The following AMZ1 variants were observed in gnomAD, a reference collection of about 807,000 sequenced individuals.
AMZ1 encodes archaemetzincin-1.
A neutral mutation model predicts 29.9 loss-of-function variants in AMZ1; 39 were observed. The observed-to-expected ratio is 1.30, with a 90% CI of 1.01 to 1.70. AMZ1 has a LOEUF of 1.70. AMZ1 is among the 40% of genes most tolerant of loss of function. The pLI is 0.00. For synonymous variants in AMZ1, 458 were observed against 304.0 expected (o/e 1.51, Z -5.27); for missense variants, 1,041 against 680.6 (o/e 1.53, Z -5.89).
At chr7:2,746,840 A>G (rs1790788205) in intron 4 of AMZ1, among the ~76,000 whole-genome samples, 1 of 149,400 alleles carries the variant, frequency 6.7e-6, no homozygotes. Context: ...AGGGGATATC[A>G]TCACCAATCC....
rs772189961 is a variant in AMZ1, at chr7:2,709,118, G to A, written c.645G>A (p.Pro215=). ...CSFARFSGEF[P]KSGPSAPDLA... ...TCGCCCGGTTCTCAGGGGAATTCCC[G>A]AAGTCGGGGCCCAGCGCCCCTGATC... Residue 215 remains proline, a synonymous_variant, in exon 5 of 7, where the codon CCG becomes CCA. Transcript: ENST00000683327. 8 of 1,600,922 alleles carry A rather than the reference G, an allele frequency of 5.0e-6. No homozygotes were observed. Among genetic ancestry groups the A allele is most frequent in the African/African-American group, 1.3e-5 (1 of 74,334 alleles).
rs1788887277 is a variant in AMZ1, at chr7:2,712,840, G to C, written c.1459G>C (p.Glu487Gln). Residue 487 changes from glutamate to glutamine, a missense_variant, in exon 7 of 7, where the codon GAG (glutamate) becomes CAG (glutamine). Coordinates refer to ENST00000683327, the MANE Select transcript of AMZ1 (RefSeq NM_001384743.1). ...KLSARKLARAESAPRPWDGEE... is the reference protein window; with the variant it reads ...KLSARKLARAQSAPRPWDGEE... ...GAGTGCCCGAAAACTCGCCAGAGCA[G>C]AGTCGGCCCCCCGTCCCTGGGATGG... The C allele has an allele frequency of 2.0e-6, 3 of 1,529,324 alleles. No individual in the cohort carries two copies. Among genetic ancestry groups the C allele is most frequent in the Non-Finnish European group, 1.8e-6 (2 of 1,137,982 alleles). The allele number at this position is 1,529,324 out of a possible 1,614,324, so 94.7% of individuals were successfully genotyped here.
At chr7:2,692,341 C>A (rs977384515) in intron 1 of AMZ1, among the ~76,000 whole-genome samples, 1 of 152,046 alleles carries the variant, frequency 6.6e-6, no homozygotes, top group Admixed American at 6.5e-5. Flanking sequence ...GAGATCGAGA[C>A]CATCCTGGCT....
At chr7:2,698,740 G>C (rs1213262402) in intron 1 of AMZ1, among the ~76,000 whole-genome samples, 1 of 152,168 alleles carries the variant, frequency 6.6e-6, no homozygotes, top group East Asian at 1.9e-4. Context: ...GGAGGCTGAA[G>C]CAGGAGGATC....
chr7:2,739,176 A>G (rs1036577197), intron 4 of AMZ1, among the ~76,000 whole-genome samples: 4 of 152,230 alleles, frequency 2.6e-5, no homozygotes, highest in Non-Finnish European at 5.9e-5. Flanking sequence ...TCATTAGGTA[A>G]GATCTACATA....
chr7:2,746,746 G>C (rs1449546974), intron 4 of AMZ1, among the ~76,000 whole-genome samples: 1 of 152,074 alleles, frequency 6.6e-6, no homozygotes, highest in African/African-American at 2.4e-5. Flanking sequence ...TTTTTGAAAA[G>C]ATCAACAAAA....
In AMZ1 at chr7:2,731,822, G is replaced by C; in HGVS notation, n.550+22006G>C. The C allele has an allele frequency of 1.3e-6, 1 of 785,264 alleles. No individual in the cohort carries two copies. 48.6% of individuals were successfully genotyped at this position (785,264 alleles called of 1,614,324 possible). On this transcript the variant is annotated intron_variant and non_coding_transcript_variant, in intron 4 of 4. Transcript: ENST00000489665. The surrounding 1 kb of genome is among the most constrained non-coding windows in gnomAD (Gnocchi z 6.0). ...ACAGAGAAAATAGAAACAAAAAGATGGCAAAAAGATAAGAAGGAAAGAGAC... is the reference window on the plus strand; with the variant it reads ...ACAGAGAAAATAGAAACAAAAAGATCGCAAAAAGATAAGAAGGAAAGAGAC...
At chr7:2,722,034 G>A (rs562951964), downstream of AMZ1, among the ~76,000 whole-genome samples, 259 of 152,246 alleles carry the variant, frequency 1.7e-3, 1 homozygote, top group Non-Finnish European at 3.0e-3. Context: ...CAGAGCACTC[G>A]GTTCCTTTCT....
intron 4 of AMZ1, among the ~76,000 whole-genome samples, chr7:2,734,660 T>C (rs1790068299): frequency 6.6e-6 from 1 of 152,232 alleles, no homozygotes; most frequent in Non-Finnish European, 1.5e-5. Flanking sequence ...AGGAAGCTCC[T>C]TCAGGGAGGA....
rs558749928 is a variant in AMZ1 at position 2,700,773 on chromosome 7, C to A, written c.304+18C>A. The A allele has an allele frequency of 1.7e-5, 28 of 1,606,586 alleles. No homozygotes were observed. The East Asian group carries it at 3.6e-4, about 21-fold the overall frequency. ...GCCGATAGGTACGGGACGCCTGCAG[C>A]CATCGGCACGCTCCTGGGGGACCAG... is the stretch of plus-strand genomic sequence containing the variant. On this transcript the variant is annotated intron_variant, in intron 2 of 6. Coordinates refer to ENST00000683327, the MANE Select transcript of AMZ1 (RefSeq NM_001384743.1).
chr7:2,706,389 C>T (rs1788356004), intron 3 of AMZ1, among the ~76,000 whole-genome samples: 1 of 152,214 alleles, frequency 6.6e-6, no homozygotes, highest in African/African-American at 2.4e-5. Flanking sequence ...GAGTAGCATG[C>T]TTTGGATCAC....
intron 4 of AMZ1, among the ~76,000 whole-genome samples, chr7:2,736,433 AGG>A (rs758108480): frequency 8.2e-6 from 1 of 121,614 alleles, no homozygotes; most frequent in African/African-American, 2.7e-5. Context: ...CACACCTGAC[AGG>A]GGCCTGTCCC....
At chr7:2,705,824 G>A (rs1216798688) in intron 3 of AMZ1, among the ~76,000 whole-genome samples, 1 of 152,184 alleles carries the variant, frequency 6.6e-6, no homozygotes, top group African/African-American at 2.4e-5. Context: ...GGCCTGCCTT[G>A]GCCCTGGCCC....
chr7:2,703,039 A>C, intron 3 of AMZ1, 150 bp downstream of exon 3: 1 of 1,139,928 alleles, frequency 8.8e-7, no homozygotes, highest in Non-Finnish European at 1.2e-6. Flanking sequence ...AGCAGGACCA[A>C]GCCGGAGAGC....
At chr7:2,753,282 T>G (rs913314271) in intron 4 of AMZ1, among the ~76,000 whole-genome samples, 2 of 152,094 alleles carry the variant, frequency 1.3e-5, no homozygotes, top group African/African-American at 4.8e-5. Flanking sequence ...GCCTCCCAAG[T>G]AGCTGGGACT....
At chr7:2,696,051 T>C (rs1787703515) in intron 1 of AMZ1, among the ~76,000 whole-genome samples, 1 of 150,802 alleles carries the variant, frequency 6.6e-6, no homozygotes, top group African/African-American at 2.4e-5. Flanking sequence ...TAACTATTAT[T>C]AGAAAACAAA....
chr7:2,762,863 G>T (rs1235592800), upstream of AMZ1: 3 of 1,459,152 alleles, frequency 2.1e-6, no homozygotes, highest in Non-Finnish European at 2.7e-6. Flanking sequence ...GAGAGGGCCA[G>T]CTCCGAGCCC....
chr7:2,696,414 G>C (rs566371983), intron 1 of AMZ1, among the ~76,000 whole-genome samples: 1 of 150,514 alleles, frequency 6.6e-6, no homozygotes, highest in East Asian at 2.0e-4. Context: ...CCGCCACCAC[G>C]CCTGGCTAAT....
At chr7:2,746,257 C>T (rs2115346342) in intron 4 of AMZ1, among the ~76,000 whole-genome samples, 1 of 152,230 alleles carries the variant, frequency 6.6e-6, no homozygotes, top group East Asian at 1.9e-4. Context: ...CAAAATTGAC[C>T]ACTTGATAGT....
Sources: gnomAD v4.1 joint callset for allele counts (sites outside exome capture counted in the v4.1 genomes callset) on GRCh38, gnomAD v4.1.1 for gene constraint, Gnocchi (gnomAD v3.1) non-coding constraint, MANE v1.5 for transcripts, NCBI Gene and HGNC (gene_info 2026-07-23, HGNC 2026-07-21) for gene names.